Variants in GRIN2A observed in about 807,000 individuals in gnomAD.
GRIN2A encodes the protein glutamate ionotropic receptor NMDA type subunit 2A, also known as glutamate receptor ionotropic, NMDA 2A.
In GRIN2A, 22 loss-of-function variants were observed where a neutral mutation model predicts 113.4. The ratio of observed to expected loss-of-function variants is 0.19; its 90% confidence interval spans 0.14 to 0.28. The LOEUF is 0.28. Ranked by LOEUF, GRIN2A falls within the 10% of genes least tolerant of loss-of-function variation. The pLI is 1.00. For missense variants in GRIN2A, 1,502 were observed against 1,887.0 expected (o/e 0.80, Z 3.78); for synonymous variants, 827 against 738.4 (o/e 1.12, Z -1.94).
At chr16:10,022,893 C>T (rs534722104) in intron 2 of GRIN2A, among the ~76,000 whole-genome samples, 2 of 152,234 alleles carry the variant, frequency 1.3e-5, no homozygotes, top group South Asian at 2.1e-4. Flanking sequence ...AGAACGGCAC[C>T]ACTAGAAAGT....
chr16:9,939,360 GACGAT>G (rs1350784877), intron 2 of GRIN2A, among the ~76,000 whole-genome samples: 1 of 152,150 alleles, frequency 6.6e-6, no homozygotes, highest in Non-Finnish European at 1.5e-5. Context: ...AAAGGAGGCG[GACGAT>G]ACGATGTTGA....
At chr16:9,868,608 A>G (rs2043202904) in intron 4 of GRIN2A, among the ~76,000 whole-genome samples, 1 of 151,250 alleles carries the variant, frequency 6.6e-6, no homozygotes, top group Non-Finnish European at 1.5e-5. Flanking sequence ...TGGCCCTTCC[A>G]CTCCCCAGCT....
intron 3 of GRIN2A, among the ~76,000 whole-genome samples, chr16:9,913,850 G>A (rs1244350368): frequency 1.3e-5 from 2 of 152,068 alleles, no homozygotes; most frequent in African/African-American, 2.4e-5. Context: ...AAATGTAGAA[G>A]GCAGATAACG....
At chr16:10,151,243 G>A (rs1197317984) in intron 2 of GRIN2A, among the ~76,000 whole-genome samples, 2 of 152,166 alleles carry the variant, frequency 1.3e-5, no homozygotes, top group African/African-American at 2.4e-5. Context: ...CATGCCCTCA[G>A]AGTCCTGCCT....
chr16:10,058,901 C>G (rs2047501700), intron 2 of GRIN2A, among the ~76,000 whole-genome samples: 2 of 152,054 alleles, frequency 1.3e-5, no homozygotes, highest in Admixed American at 1.3e-4. Context: ...AGCAGATAAA[C>G]AAGATAGTTA....
chr16:9,776,660 T>C lies in GRIN2A; in HGVS notation c.2357-7571A>G, dbSNP rs17203234. On this transcript the variant is annotated intron_variant, in intron 11 of 12. Transcript: ENST00000330684. ...CCTACAGGGAACAGACTTCCATCTATAGCTGAAAGACGTCAGAAGGTTGTT... is the reference window on the plus strand; with the variant it reads ...CCTACAGGGAACAGACTTCCATCTACAGCTGAAAGACGTCAGAAGGTTGTT... Among the ~76,000 whole-genome samples the C allele has an allele frequency of 5.6e-3, 854 of 152,194 alleles. 2 individuals are homozygous for C. Among genetic ancestry groups the C allele is most frequent in the Middle Eastern group, 0.01 (3 of 294 alleles).
chr16:9,843,422 T>A (rs1216208272), intron 5 of GRIN2A, among the ~76,000 whole-genome samples: 2 of 152,210 alleles, frequency 1.3e-5, no homozygotes, highest in Admixed American at 1.3e-4. Flanking sequence ...CTGGACCTCC[T>A]GGCCTCAAGT....
intron 2 of GRIN2A, among the ~76,000 whole-genome samples, chr16:10,031,805 T>C (rs7189973): frequency 0.32 from 48,680 of 152,082 alleles, 8,330 homozygotes; most frequent in East Asian, 0.52. Flanking sequence ...TCAGCACGGT[T>C]CTGCTCTGAC....
At chr16:10,148,888 TA>T (rs913856854) in intron 2 of GRIN2A, among the ~76,000 whole-genome samples, 13 of 152,052 alleles carry the variant, frequency 8.5e-5, no homozygotes, top group African/African-American at 2.9e-4. Context: ...TAATCAGCCA[TA>T]AAAAGAATAA....
intron 2 of GRIN2A, among the ~76,000 whole-genome samples, chr16:10,017,787 T>A (rs2046638284): frequency 6.6e-6 from 1 of 152,032 alleles, no homozygotes; most frequent in Non-Finnish European, 1.5e-5. Context: ...AATATTTTAA[T>A]ATGATATTTT....
At chr16:10,033,722 C>T (rs191526588) in intron 2 of GRIN2A, 1 of 152,494 alleles carries the variant, frequency 6.6e-6, no homozygotes, top group African/African-American at 2.4e-5. Context: ...CAGAGAGAAG[C>T]AAGCATGTGC....
intron 11 of GRIN2A, among the ~76,000 whole-genome samples, chr16:9,786,193 A>C (rs1360961236): frequency 6.6e-6 from 1 of 152,236 alleles, no homozygotes; most frequent in Non-Finnish European, 1.5e-5. Context: ...GGGAACAAGC[A>C]ATTCCAGCAA....
intron 3 of GRIN2A, among the ~76,000 whole-genome samples, chr16:9,915,981 C>T (rs1014281643): frequency 1.3e-5 from 2 of 152,172 alleles, no homozygotes. Flanking sequence ...AACATCTGTA[C>T]TTCCTTCCTG....
intron 5 of GRIN2A, among the ~76,000 whole-genome samples, chr16:9,849,229 T>G (rs888465248): frequency 5.5e-5 from 8 of 145,426 alleles, no homozygotes; most frequent in African/African-American, 7.5e-5. Flanking sequence ...ATATATAATG[T>G]TTTATATTTT....
At chr16:9,882,050 A>G (rs191032341) in intron 4 of GRIN2A, among the ~76,000 whole-genome samples, 1 of 151,294 alleles carries the variant, frequency 6.6e-6, no homozygotes, top group Non-Finnish European at 1.5e-5. Flanking sequence ...ATACACACAC[A>G]CAACACACAC....
intron 2 of GRIN2A, among the ~76,000 whole-genome samples, chr16:10,038,046 C>T (rs1339351533): frequency 6.6e-6 from 1 of 152,024 alleles, no homozygotes. Flanking sequence ...GTTCAGGCTG[C>T]TGTAACAAAA....
At chr16:9,895,111 TG>T (rs2141494866) in intron 3 of GRIN2A, among the ~76,000 whole-genome samples, 1 of 152,264 alleles carries the variant, frequency 6.6e-6, no homozygotes, top group African/African-American at 2.4e-5. Context: ...TTTTCAAGGT[TG>T]GGGAGAGGGA....
Position 9,991,719 on chromosome 16 carries a change from C to T in GRIN2A, c.415-53168G>A, listed in dbSNP as rs537423409. Among the ~76,000 whole-genome samples the T allele has an allele frequency of 2.0e-3, 304 of 152,248 alleles. 1 individual carries two copies. Among genetic ancestry groups the T allele is most frequent in the African/African-American group, 6.9e-3 (287 of 41,534 alleles). ...TATACACCATGGAATACTATGCAGC[C>T]ATAAAAAAGAACAAGTTCATGTCCT... On this transcript the variant is annotated intron_variant, in intron 2 of 12. Coordinates refer to ENST00000330684, the MANE Select transcript of GRIN2A (RefSeq NM_001134407.3).
chr16:10,063,857 G>A (rs2047596004), intron 2 of GRIN2A, among the ~76,000 whole-genome samples: 3 of 152,064 alleles, frequency 2.0e-5, no homozygotes, highest in South Asian at 2.1e-4. Flanking sequence ...GCCAAAAGCC[G>A]GGCTGATAAT....
Sources: gnomAD v4.1 joint callset for allele counts (sites outside exome capture counted in the v4.1 genomes callset) on GRCh38, gnomAD v4.1.1 for gene constraint, MANE v1.5 for transcripts, NCBI Gene and HGNC (gene_info 2026-07-23, HGNC 2026-07-21) for gene names.